The following DCAF12 variants were observed in gnomAD, a reference collection of about 807,000 sequenced individuals.
DCAF12 encodes the protein DDB1- and CUL4-associated factor 12.
Under a neutral mutation model 52.8 loss-of-function variants are expected in DCAF12, and 28 were observed. That is an observed-to-expected ratio of 0.53 (90% CI 0.39 to 0.73). The LOEUF (loss-of-function observed/expected upper bound fraction) is 0.73, where lower values mean the gene tolerates loss of function less well. Ranked by LOEUF, DCAF12 falls within the 30% of genes least tolerant of loss-of-function variation. DCAF12 has a pLI of 0.00. For missense variants in DCAF12, 425 were observed against 552.2 expected (o/e 0.77, Z 2.31); for synonymous variants, 196 against 215.5 (o/e 0.91, Z 0.79).
chr9:34,124,538 A>G (rs1480770463), intron 2 of DCAF12, among the ~76,000 whole-genome samples: 1 of 152,218 alleles, frequency 6.6e-6, no homozygotes, highest in Non-Finnish European at 1.5e-5. Context: ...TCCTTATAGG[A>G]AACAGTTCAT....
chr9:34,104,041 G>A (rs1223267107), intron 4 of DCAF12, among the ~76,000 whole-genome samples: 3 of 152,070 alleles, frequency 2.0e-5, no homozygotes, highest in African/African-American at 7.2e-5. Context: ...GGCCGATGCA[G>A]GCAGATCACT....
chr9:34,091,315 A>G (rs1828640375), intron 7 of DCAF12, among the ~76,000 whole-genome samples: 1 of 152,000 alleles, frequency 6.6e-6, no homozygotes, highest in African/African-American at 2.4e-5. Flanking sequence ...TGACAGAGCA[A>G]GACTCATCTC....
chr9:34,122,848 CTGTAGT>C (rs771835961), intron 2 of DCAF12, among the ~76,000 whole-genome samples: 27 of 152,344 alleles, frequency 1.8e-4, no homozygotes, highest in Non-Finnish European at 3.4e-4. Flanking sequence ...AGAATGCCTT[CTGTAGT>C]TCTTTGCAGC....
intron 4 of DCAF12, among the ~76,000 whole-genome samples, chr9:34,104,195 G>A (rs1464018966): frequency 6.6e-6 from 1 of 151,834 alleles, no homozygotes; most frequent in African/African-American, 2.4e-5. Context: ...AACCTGGGAG[G>A]CTGAGGTTGC....
chr9:34,125,205 T>G lies in DCAF12; in HGVS notation c.151A>C (p.Lys51Gln), dbSNP rs138819167. 1.5e-4 allele frequency: 250 copies of G among 1,614,192 alleles called. No homozygotes were observed. The highest frequency in any genetic ancestry group is 2.1e-4 in the Non-Finnish European group (243 of 1,180,038). ...TTCTGTAGCCTGACTTCCCGGTTCT[T>G]CAAGTAGTATACTAAGGATCTCTTC... is the stretch of plus-strand genomic sequence containing the variant. ...PVKRSLVYYL[K>Q]NREVRLQNET... The change falls in exon 2 of 9, where the codon AAG becomes CAG. Residue 51 changes from lysine (K) to glutamine (Q), a missense_variant. Lys to Gln is a moderately conservative substitution (Grantham distance 53, BLOSUM62 1). Transcript: ENST00000361264.
At position 34,093,303 on chromosome 9, in the gene DCAF12, G is replaced by T; in HGVS notation, c.1007C>A (p.Ser336Tyr). 6.2e-7 allele frequency: 1 copy of T among 1,614,198 alleles called. No individual in the cohort carries two copies. The highest frequency in any genetic ancestry group is 8.5e-7 in the Non-Finnish European group (1 of 1,180,036). Residue 336 changes from serine to tyrosine, a missense_variant, in exon 7 of 9, where the codon TCC becomes TAC. Physicochemically the swap from Ser to Tyr is moderately radical, Grantham distance 144. Transcript: ENST00000361264. ...QPSYNVKSVC[S>Y]RERGSGIRSV... Reference sequence around the variant, plus strand: ...ACTCTTACCACTGCCTCGCTCCCTGGAACAGACAGACTTGACGTTGTATGA... The same window carrying T: ...ACTCTTACCACTGCCTCGCTCCCTGTAACAGACAGACTTGACGTTGTATGA...
intron 2 of DCAF12, among the ~76,000 whole-genome samples, chr9:34,124,738 AAT>A (rs1829221232): frequency 6.6e-6 from 1 of 152,208 alleles, no homozygotes; most frequent in African/African-American, 2.4e-5. Flanking sequence ...CCAGCATAAA[AAT>A]ATGAGGCAAA....
chr9:34,124,458 A>T (rs1326514026), intron 2 of DCAF12, among the ~76,000 whole-genome samples: 1 of 152,206 alleles, frequency 6.6e-6, no homozygotes, highest in Non-Finnish European at 1.5e-5. Flanking sequence ...ATTCACTCTT[A>T]AAAAGGCTAC....
intron 2 of DCAF12, among the ~76,000 whole-genome samples, chr9:34,116,353 TAAATAAATAAATAATAC>T (rs1179770627): frequency 6.6e-6 from 1 of 150,848 alleles, no homozygotes; most frequent in Non-Finnish European, 1.5e-5. Flanking sequence ...GTCTCAAAAA[TAAATAAATAAATAATAC>T]AAATAAATAA....
intron 2 of DCAF12, among the ~76,000 whole-genome samples, chr9:34,118,630 C>T (rs1297706524): frequency 6.6e-6 from 1 of 152,056 alleles, no homozygotes; most frequent in Non-Finnish European, 1.5e-5. Flanking sequence ...AATTACGTAT[C>T]TGGTATAAGA....
chr9:34,118,589 A>C (rs1050566082), intron 2 of DCAF12, among the ~76,000 whole-genome samples: 2 of 152,198 alleles, frequency 1.3e-5, no homozygotes, highest in Non-Finnish European at 1.5e-5. Flanking sequence ...CTTTATCCCT[A>C]ACTTGCAAAC....
chr9:34,088,275 G>GA lies in DCAF12; in HGVS notation c.*74dup, dbSNP rs199566614. ...AAACACAAGAGCCTCACACAATTAG[G>GA]AAAAAAAAAATCAAAAGAAACAAGG... On this transcript the variant is annotated 3_prime_UTR_variant, in exon 9 of 9. Coordinates refer to ENST00000361264, the MANE Select transcript of DCAF12 (RefSeq NM_015397.4). 4.4e-3 allele frequency: 5,976 copies of GA among 1,350,966 alleles called. 2 individuals carry two copies. The highest frequency in any genetic ancestry group is 8.5e-3 in the South Asian group (532 of 62,462). 83.7% of individuals were successfully genotyped at this position (1,350,966 alleles called of 1,614,324 possible). A position where few individuals can be genotyped will look rare whatever the true frequency, so the allele number is the denominator to read the frequency against.
chr9:34,119,228 G>A (rs781081801), intron 2 of DCAF12, among the ~76,000 whole-genome samples: 22 of 152,126 alleles, frequency 1.4e-4, no homozygotes, highest in Non-Finnish European at 2.5e-4. Flanking sequence ...ATAAGAAAAC[G>A]CAAGGTTCAT....
At chr9:34,125,513 G>C (rs1829234996) in intron 1 of DCAF12, 2 of 612,138 alleles carry the variant, frequency 3.3e-6, no homozygotes, top group East Asian at 6.4e-5. Context: ...AAAGTCAAGG[G>C]AATGAATGCA....
intron 4 of DCAF12, among the ~76,000 whole-genome samples, chr9:34,105,667 A>AC (rs1393295086): frequency 6.6e-6 from 1 of 152,020 alleles, no homozygotes; most frequent in Non-Finnish European, 1.5e-5. Flanking sequence ...GAAACAACCC[A>AC]CAAAAAAAAG....
At chr9:34,126,252 C>G in intron 1 of DCAF12, 102 bp downstream of exon 1, 1 of 1,445,816 alleles carries the variant, frequency 6.9e-7, no homozygotes, top group Non-Finnish European at 9.5e-7. Context: ...TTGCCTCTGA[C>G]TGCAGACCCT....
intron 6 of DCAF12, 25 bp from the exon 7 acceptor site, chr9:34,093,473 C>A: frequency 6.2e-7 from 1 of 1,611,658 alleles, no homozygotes; most frequent in South Asian, 1.1e-5. Flanking sequence ...GAGATATAAC[C>A]ATGGCATCAG....
chr9:34,125,574 A>C, intron 1 of DCAF12: 1 of 513,442 alleles, frequency 1.9e-6, no homozygotes, highest in East Asian at 5.4e-5. Context: ...TGAAAGATTG[A>C]AGGAAATGAG....
chr9:34,110,780 C>A (rs954928011), intron 2 of DCAF12, among the ~76,000 whole-genome samples: 13 of 121,332 alleles, frequency 1.1e-4, no homozygotes, highest in African/African-American at 3.9e-4. Flanking sequence ...CAAGACCCTG[C>A]CTCAACAAAA....
Sources: allele counts gnomAD v4.1 joint callset (sites outside exome capture counted in the v4.1 genomes callset), GRCh38; gene constraint gnomAD v4.1.1; transcripts MANE v1.5; gene names NCBI Gene and HGNC (gene_info 2026-07-23, HGNC 2026-07-21).